The following MACROD2 variants were observed in gnomAD, a reference collection of about 807,000 sequenced individuals.
The protein encoded by MACROD2 is mono-ADP ribosylhydrolase 2.
A neutral mutation model predicts 70.4 loss-of-function variants in MACROD2; 36 were observed. That is an observed-to-expected ratio of 0.51 (90% CI 0.39 to 0.68). MACROD2 has a LOEUF of 0.68. Ranked by LOEUF, MACROD2 falls within the 30% of genes least tolerant of loss-of-function variation. MACROD2 has a pLI of 0.00. For synonymous variants in MACROD2, 172 were observed against 178.8 expected, an observed-to-expected ratio of 0.96 and a Z score of 0.30; for missense variants, 496 against 538.4, an observed-to-expected ratio of 0.92 and a Z score of 0.78.
intron 5 of MACROD2, among the ~76,000 whole-genome samples, chr20:15,151,541 G>A (rs796166490): frequency 2.0e-5 from 3 of 152,050 alleles, no homozygotes; most frequent in South Asian, 2.1e-4. Context: ...ATTTAATGTC[G>A]GGAGCAGATT....
chr20:15,653,567 G>A (rs760379186), intron 8 of MACROD2, among the ~76,000 whole-genome samples: 8 of 152,056 alleles, frequency 5.3e-5, no homozygotes, highest in Non-Finnish European at 1.0e-4. Context: ...TATTATCTCC[G>A]TAAGTCAGTC....
chr20:15,671,243 A>C (rs2049975687), intron 8 of MACROD2, among the ~76,000 whole-genome samples: 1 of 152,208 alleles, frequency 6.6e-6, no homozygotes, highest in Admixed American at 6.5e-5. Context: ...TCAGTTCCTA[A>C]AACAGCAAGA....
At chr20:15,302,707 A>G (rs2077658857) in intron 6 of MACROD2, among the ~76,000 whole-genome samples, 1 of 152,228 alleles carries the variant, frequency 6.6e-6, no homozygotes. Context: ...GGTATATTTA[A>G]TTTTAATAGA....
At chr20:14,105,572 A>T (rs1004352055) in intron 3 of MACROD2, among the ~76,000 whole-genome samples, 1 of 152,204 alleles carries the variant, frequency 6.6e-6, no homozygotes, top group Non-Finnish European at 1.5e-5. Flanking sequence ...GAGGCAGTCT[A>T]GCTCACAACG....
chr20:14,382,088 G>A lies in MACROD2; in HGVS notation c.272-111391G>A, dbSNP rs146444226. On this transcript the variant is annotated intron_variant, in intron 3 of 17. Transcript: ENST00000684519. ...TTTTTTTTTTTTTTTTTGAGATGGA[G>A]TCTCGCTCTGTCGCCCAAGCTGGAG... is the stretch of plus-strand genomic sequence containing the variant. Among the ~76,000 whole-genome samples, 263 of 138,434 alleles carry A rather than the reference G, an allele frequency of 1.9e-3. 5 individuals carry two copies. The South Asian group carries it at 0.031, about 16-fold the overall frequency. The allele number at this position is 138,434 out of a possible 152,430, so 90.8% of individuals were successfully genotyped here.
chr20:14,085,382 A>G (rs994826802), intron 2 of MACROD2, among the ~76,000 whole-genome samples: 14 of 152,160 alleles, frequency 9.2e-5, no homozygotes, highest in African/African-American at 3.4e-4. Flanking sequence ...TTTCTTGTTG[A>G]CCAATATAAC....
intron 5 of MACROD2, chr20:15,197,078 C>A (rs2076612534): frequency 2.1e-6 from 2 of 959,142 alleles, no homozygotes; most frequent in African/African-American, 1.8e-5. Flanking sequence ...AGGTCCTCTT[C>A]ATGTCTGGTT....
At chr20:15,780,419 C>T (rs983062261) in intron 8 of MACROD2, among the ~76,000 whole-genome samples, 3 of 152,012 alleles carry the variant, frequency 2.0e-5, no homozygotes, top group Admixed American at 6.5e-5. Flanking sequence ...GAAGACTAGG[C>T]TGTGCAGAAA....
At chr20:15,921,684 A>G (rs1300743733) in intron 10 of MACROD2, among the ~76,000 whole-genome samples, 1 of 152,188 alleles carries the variant, frequency 6.6e-6, no homozygotes, top group East Asian at 1.9e-4. Context: ...AGGATACTAT[A>G]TTTGCGTAAT....
At chr20:14,122,454 A>G (rs1232458857) in intron 3 of MACROD2, among the ~76,000 whole-genome samples, 1 of 152,164 alleles carries the variant, frequency 6.6e-6, no homozygotes, top group Admixed American at 6.5e-5. Flanking sequence ...CCTGTTAGCT[A>G]TTATTTAATT....
chr20:14,570,646 C>T (rs554979428), intron 4 of MACROD2, among the ~76,000 whole-genome samples: 2 of 151,810 alleles, frequency 1.3e-5, no homozygotes, highest in African/African-American at 4.8e-5. Flanking sequence ...CTCTTAGCAG[C>T]CAAACTAATT....
At chr20:15,471,425 A>C (rs764738650) in intron 7 of MACROD2, among the ~76,000 whole-genome samples, 26 of 152,196 alleles carry the variant, frequency 1.7e-4, no homozygotes, top group Non-Finnish European at 3.5e-4. Context: ...CATATATTCA[A>C]ACCTCAACCT....
chr20:14,991,697 C>G (rs1422254975), intron 5 of MACROD2, among the ~76,000 whole-genome samples: 1 of 152,168 alleles, frequency 6.6e-6, no homozygotes, highest in Non-Finnish European at 1.5e-5. Flanking sequence ...AAATAGATCT[C>G]ACTTCTTTGG....
chr20:15,502,370 G>C (rs2047375024), intron 8 of MACROD2, among the ~76,000 whole-genome samples: 1 of 152,166 alleles, frequency 6.6e-6, no homozygotes, highest in Non-Finnish European at 1.5e-5. Flanking sequence ...GACCCAATGT[G>C]GTTGAAGCAG....
intron 5 of MACROD2, among the ~76,000 whole-genome samples, chr20:15,192,172 G>A (rs535906178): frequency 1.0e-4 from 15 of 150,028 alleles, no homozygotes; most frequent in South Asian, 6.4e-4. Flanking sequence ...CCCCTTTTCC[G>A]TCTCCTCTGT....
intron 3 of MACROD2, among the ~76,000 whole-genome samples, chr20:14,311,092 C>T (rs543965176): frequency 1.3e-5 from 2 of 152,180 alleles, no homozygotes; most frequent in South Asian, 4.1e-4. Flanking sequence ...CTTAAGTGTA[C>T]AGTGTTTATA....
Position 14,814,909 on chromosome 20 carries a change from A to G in MACROD2, c.418+129950A>G, listed in dbSNP as rs147939062. On this transcript the variant is annotated intron_variant, in intron 5 of 17. Transcript: ENST00000684519. ...AAAAATAACAGATGAAAGGACATGCATTGAACATTTATTGAATGAATGAAT... is the reference window on the plus strand; with the variant it reads ...AAAAATAACAGATGAAAGGACATGCGTTGAACATTTATTGAATGAATGAAT... 1.8e-3 allele frequency among the ~76,000 whole-genome samples: 256 copies of G among 146,142 alleles called. 2 individuals are homozygous for G. The highest frequency in any genetic ancestry group is 5.9e-3 in the African/African-American group (243 of 40,850).
In MACROD2 at chr20:14,044,459, T is replaced by G. The variant is rs1216849324; in HGVS notation, c.164-41162T>G. Among the ~76,000 whole-genome samples the G allele has an allele frequency of 2.0e-5, 3 of 152,312 alleles. No individual in the cohort carries two copies. The South Asian group carries it at 6.2e-4, about 32-fold the overall frequency. ...CTGCTGGCGTGGCAGCCTGCTTTTA[T>G]TCTCTTATTTGGCCCCACCCACATC... is the stretch of plus-strand genomic sequence containing the variant. On this transcript the variant is annotated intron_variant, in intron 2 of 17. Transcript: ENST00000684519.
chr20:14,600,269 A>G (rs1802179888), intron 4 of MACROD2, among the ~76,000 whole-genome samples: 1 of 151,192 alleles, frequency 6.6e-6, no homozygotes, highest in South Asian at 2.1e-4. Flanking sequence ...TCCATCTCCT[A>G]AATTCCAGGA....
Sources: allele counts gnomAD v4.1 joint callset (sites outside exome capture counted in the v4.1 genomes callset), GRCh38; gene constraint gnomAD v4.1.1; transcripts MANE v1.5; gene names NCBI Gene and HGNC (gene_info 2026-07-23, HGNC 2026-07-21).